Variants in CSMD1 observed in about 807,000 individuals in gnomAD.
CSMD1 encodes CUB and Sushi multiple domains 1, also known as CUB and sushi domain-containing protein 1.
Under a neutral mutation model 417.5 loss-of-function variants are expected in CSMD1, and 213 were observed. The observed-to-expected ratio is 0.51, with a 90% CI of 0.46 to 0.57. The LOEUF is 0.57. CSMD1 is among the 20% of genes least tolerant of loss of function. The pLI, the probability that CSMD1 is intolerant of heterozygous loss-of-function variation, is 0.00. For missense variants in CSMD1, 6,923 were observed against 4,529.7 expected (o/e 1.53, Z -15.17); for synonymous variants, 2,862 against 1,736.8 (o/e 1.65, Z -16.11).
At chr8:3,973,243 G>A (rs908783743) in intron 5 of CSMD1, among the ~76,000 whole-genome samples, 1 of 152,212 alleles carries the variant, frequency 6.6e-6, no homozygotes, top group Non-Finnish European at 1.5e-5. Context: ...CCTGGCAGGT[G>A]GGAGTGAGAG....
At chr8:4,715,861 A>G (rs989651378) in intron 1 of CSMD1, among the ~76,000 whole-genome samples, 19 of 152,166 alleles carry the variant, frequency 1.2e-4, no homozygotes, top group African/African-American at 4.6e-4. Flanking sequence ...GATTACGGGA[A>G]TTGCCTCCTA....
intron 6 of CSMD1, among the ~76,000 whole-genome samples, chr8:3,739,811 G>A (rs1246373173): frequency 6.6e-6 from 1 of 152,030 alleles, no homozygotes; most frequent in Admixed American, 6.6e-5. Context: ...ATTCAATTTT[G>A]TTAGTAACAA....
At chr8:4,037,180 A>T (rs1797667022) in intron 3 of CSMD1, among the ~76,000 whole-genome samples, 1 of 152,216 alleles carries the variant, frequency 6.6e-6, no homozygotes, top group African/African-American at 2.4e-5. Flanking sequence ...CAATATTAGA[A>T]GTGTTTTGAT....
chr8:4,647,871 A>G (rs1232538604), intron 1 of CSMD1, among the ~76,000 whole-genome samples: 1 of 152,204 alleles, frequency 6.6e-6, no homozygotes, highest in Non-Finnish European at 1.5e-5. Flanking sequence ...GTACTGCAGT[A>G]GACATACATG....
intron 7 of CSMD1, among the ~76,000 whole-genome samples, chr8:3,632,460 G>A (rs1268223264): frequency 1.3e-5 from 2 of 152,008 alleles, no homozygotes; most frequent in African/African-American, 4.8e-5. Context: ...CACCAAAAGT[G>A]CCTACATATA....
chr8:3,240,433 TTG>T (rs201615509), intron 26 of CSMD1, among the ~76,000 whole-genome samples: 2 of 150,162 alleles, frequency 1.3e-5, no homozygotes, highest in African/African-American at 4.9e-5. Flanking sequence ...AAAGGAGTTG[TTG>T]TTTTATAGGT....
At chr8:4,441,596 A>C (rs1798486832) in intron 2 of CSMD1, among the ~76,000 whole-genome samples, 1 of 152,156 alleles carries the variant, frequency 6.6e-6, no homozygotes, top group African/African-American at 2.4e-5. Flanking sequence ...TGTTCAATAC[A>C]TTTGATAATG....
intron 33 of CSMD1, among the ~76,000 whole-genome samples, chr8:3,190,460 G>A (rs140859456): frequency 9.9e-5 from 15 of 152,220 alleles, no homozygotes; most frequent in East Asian, 1.9e-4. Flanking sequence ...ATATTCAGGC[G>A]ATTACATTTA....
At chr8:4,091,335 G>T (rs750264098) in intron 3 of CSMD1, among the ~76,000 whole-genome samples, 4 of 152,100 alleles carry the variant, frequency 2.6e-5, no homozygotes, top group Non-Finnish European at 5.9e-5. Flanking sequence ...TAGTTAGAAT[G>T]ATTCCATCAT....
rs1004953817 is a variant in CSMD1 at position 3,552,605 on chromosome 8, T to A, written c.1344+22340A>T. 2.0e-5 allele frequency among the ~76,000 whole-genome samples: 3 copies of A among 152,284 alleles called. No homozygotes were observed. The East Asian group carries it at 5.8e-4, about 29-fold the overall frequency. ...GCAAATATAAGGTATTTTAAGGAATTAAGAGGACTCAAGTGTAACGCGTAT... is the reference window on the plus strand; with the variant it reads ...GCAAATATAAGGTATTTTAAGGAATAAAGAGGACTCAAGTGTAACGCGTAT... On this transcript the variant is annotated intron_variant, in intron 10 of 69. Transcript: ENST00000635120.
At chr8:4,025,467 G>A (rs1249347887) in intron 4 of CSMD1, among the ~76,000 whole-genome samples, 1 of 152,148 alleles carries the variant, frequency 6.6e-6, no homozygotes, top group Admixed American at 6.5e-5. Context: ...GAAACATAAA[G>A]CAAATTAAGA....
intron 3 of CSMD1, among the ~76,000 whole-genome samples, chr8:4,301,566 G>A (rs781222809): frequency 6.6e-6 from 1 of 152,210 alleles, no homozygotes; most frequent in African/African-American, 2.4e-5. Flanking sequence ...CAAGTGGAAA[G>A]TCTGCTCAAT....
At chr8:4,387,347 A>G (rs1272200462) in intron 3 of CSMD1, among the ~76,000 whole-genome samples, 5 of 152,138 alleles carry the variant, frequency 3.3e-5, no homozygotes, top group African/African-American at 9.7e-5. Flanking sequence ...AAATGAGCCT[A>G]CACTCAGAAG....
rs115614175 is a variant in CSMD1 at position 4,921,418 on chromosome 8, G to C, written c.85+72914C>G. Among the ~76,000 whole-genome samples, 226 of 152,208 alleles carry C rather than the reference G, an allele frequency of 1.5e-3. 1 individual carries two copies. Among genetic ancestry groups the C allele is most frequent in the Middle Eastern group, 0.01 (3 of 294 alleles). ...AAACATGTATAATGTGAATTAATGG[G>C]AGTTTATATTTTTAAGATCATGTTA... On this transcript the variant is annotated intron_variant, in intron 1 of 69. Transcript: ENST00000635120.
intron 6 of CSMD1, among the ~76,000 whole-genome samples, chr8:3,725,165 C>A (rs764476593): frequency 6.6e-6 from 1 of 152,082 alleles, no homozygotes; most frequent in East Asian, 1.9e-4. Flanking sequence ...AAGGAGGGAG[C>A]TGTGCCCTGA....
At chr8:4,930,316 C>A (rs754480180) in intron 1 of CSMD1, among the ~76,000 whole-genome samples, 5 of 152,112 alleles carry the variant, frequency 3.3e-5, no homozygotes, top group Non-Finnish European at 5.9e-5. Flanking sequence ...GTGATATTAA[C>A]ACCAATTCTG....
intron 21 of CSMD1, 72 bp from the exon 22 acceptor site, chr8:3,348,233 T>C: frequency 1.7e-6 from 2 of 1,142,962 alleles, no homozygotes; most frequent in East Asian, 2.5e-5. Context: ...TTAAAAACTT[T>C]AAAATCATGA....
chr8:3,946,609 G>C lies in CSMD1; in HGVS notation c.818+51294C>G, dbSNP rs559758885. On this transcript the variant is annotated intron_variant, in intron 5 of 69. Coordinates refer to ENST00000635120, the MANE Select transcript of CSMD1 (RefSeq NM_033225.6). ...ATACATCCTTTTGGGCTCTTGACTG[G>C]AATTGTGTTGATCCTACAGACCATC... 3.0e-4 allele frequency among the ~76,000 whole-genome samples: 46 copies of C among 152,146 alleles called. No individual in the cohort carries two copies. In the South Asian group the frequency reaches 9.1e-3, roughly 30 times the overall value.
At position 3,223,841 on chromosome 8, in the gene CSMD1, G is replaced by A; in HGVS notation, c.4372C>T (p.Pro1458Ser). The A allele has an allele frequency of 6.2e-7, 1 of 1,613,674 alleles. No individual in the cohort carries two copies. ...TTGGGTGACAAAATAACACCTGCTG[G>A]GCCCGTCAGATTCCCTCCACAAGCA... is the stretch of plus-strand genomic sequence containing the variant. Reference protein sequence around the residue: ...IAACGGNLTGPAGVILSPNYP... With the variant: ...IAACGGNLTGSAGVILSPNYP... The change falls in exon 28 of 70, where the codon CCA becomes TCA. Residue 1458 changes from proline to serine, a missense_variant. By Grantham distance (74) the Pro-to-Ser change is moderately conservative. Coordinates refer to ENST00000635120, the MANE Select transcript of CSMD1 (RefSeq NM_033225.6).
Sources: allele counts gnomAD v4.1 joint callset (sites outside exome capture counted in the v4.1 genomes callset), GRCh38; gene constraint gnomAD v4.1.1; transcripts MANE v1.5; gene names NCBI Gene and HGNC (gene_info 2026-07-23, HGNC 2026-07-21).